NBAS: variants seen among roughly 807,000 people sequenced by gnomAD.
NBAS encodes NAG/BC035112 fusion.
In NBAS, 219 loss-of-function variants were observed where a neutral mutation model predicts 302.5. That is an observed-to-expected ratio of 0.72 (90% CI 0.65 to 0.81). NBAS has a LOEUF of 0.81. Among genes scored for constraint, NBAS ranks in the 30% least tolerant of loss-of-function variants. The probability of loss-of-function intolerance (pLI) is 0.00; values close to 1 mark genes in which losing one functional copy is unlikely to be tolerated. For missense variants in NBAS, 2,932 were observed against 2,841.6 expected (o/e 1.03, Z -0.72); for synonymous variants, 1,118 against 1,021.6 (o/e 1.09, Z -1.80).
chr2:15,550,575 C>T (rs1664330703), intron 6 of NBAS, among the ~76,000 whole-genome samples: 1 of 147,444 alleles, frequency 6.8e-6, no homozygotes, highest in South Asian at 2.1e-4. Flanking sequence ...TGTAAGGTTC[C>T]TTCTTTCTGT....
the NBAS span, among the ~76,000 whole-genome samples, chr2:14,909,585 T>TA: frequency 6.6e-6 from 1 of 152,128 alleles, no homozygotes; most frequent in Non-Finnish European, 1.5e-5. Flanking sequence ...TCTTTGTCTG[T>TA]AAAAAATAGG....
At chr2:14,997,219 G>A in the NBAS span, among the ~76,000 whole-genome samples, 1 of 152,052 alleles carries the variant, frequency 6.6e-6, no homozygotes, top group Non-Finnish European at 1.5e-5. Context: ...TTGGGTACTG[G>A]GCTTAATCCC....
the NBAS span, among the ~76,000 whole-genome samples, chr2:14,961,540 C>G: frequency 6.6e-6 from 1 of 152,126 alleles, no homozygotes; most frequent in African/African-American, 2.4e-5. Context: ...GATGCAGATG[C>G]CAATGCCATG....
the NBAS span, among the ~76,000 whole-genome samples, chr2:15,090,739 A>C: frequency 6.6e-6 from 1 of 152,288 alleles, no homozygotes; most frequent in South Asian, 2.1e-4. Context: ...CAAAATCCCC[A>C]TTCCTTATTT....
At chr2:15,277,196 C>T in intron 42 of NBAS, 95 bp from the exon 43 acceptor site, 1 of 1,456,360 alleles carries the variant, frequency 6.9e-7, no homozygotes, top group Non-Finnish European at 9.3e-7. Context: ...CTTCTTATAG[C>T]TCCCTTCTTC....
the NBAS span, among the ~76,000 whole-genome samples, chr2:14,974,094 T>G: frequency 4.6e-5 from 7 of 152,204 alleles, no homozygotes; most frequent in African/African-American, 1.7e-4. Context: ...ATCTATACAC[T>G]CCCACAACTG....
the NBAS span, among the ~76,000 whole-genome samples, chr2:14,823,381 T>C: frequency 2.8e-4 from 42 of 152,318 alleles, no homozygotes; most frequent in Non-Finnish European, 3.8e-4. Flanking sequence ...GTAACTAAAT[T>C]AATAAGAATA....
intron 47 of NBAS, among the ~76,000 whole-genome samples, chr2:15,222,672 T>A (rs1666996190): frequency 6.6e-6 from 1 of 152,194 alleles, no homozygotes; most frequent in Non-Finnish European, 1.5e-5. Context: ...GATATTAAAA[T>A]TTTAAAAAAG....
the NBAS span, among the ~76,000 whole-genome samples, chr2:15,040,671 G>A: frequency 6.6e-6 from 1 of 152,194 alleles, no homozygotes; most frequent in Non-Finnish European, 1.5e-5. Flanking sequence ...GGGCTTTCTT[G>A]AAACCCACTG....
At chr2:15,309,607 G>C (rs962818340) in intron 38 of NBAS, among the ~76,000 whole-genome samples, 29 of 152,080 alleles carry the variant, frequency 1.9e-4, no homozygotes, top group African/African-American at 6.8e-4. Flanking sequence ...TAATATGGAG[G>C]GTGATAATAT....
the NBAS span, among the ~76,000 whole-genome samples, chr2:15,059,964 C>CAA: frequency 1.8e-5 from 2 of 112,708 alleles, no homozygotes; most frequent in Non-Finnish European, 4.0e-5. Flanking sequence ...AAAAAAAAAA[C>CAA]AAAAAAAAAA....
At chr2:14,912,728 A>T in the NBAS span, among the ~76,000 whole-genome samples, 1 of 148,172 alleles carries the variant, frequency 6.7e-6, no homozygotes, top group Non-Finnish European at 1.5e-5. Context: ...AAAAAAAAAA[A>T]GGAAATCCCT....
chr2:14,938,294 TA>T, the NBAS span, among the ~76,000 whole-genome samples: 1 of 152,126 alleles, frequency 6.6e-6, no homozygotes, highest in East Asian at 1.9e-4. Context: ...AAAAAATGTA[TA>T]CAGATACATA....
intron 48 of NBAS, among the ~76,000 whole-genome samples, chr2:15,216,424 C>T (rs1242924234): frequency 1.3e-5 from 2 of 152,178 alleles, no homozygotes; most frequent in East Asian, 1.9e-4. Flanking sequence ...ATTGGTGAAA[C>T]GCAGATACAC....
chr2:15,202,246 C>A (rs557974378), intron 48 of NBAS, among the ~76,000 whole-genome samples: 1 of 152,154 alleles, frequency 6.6e-6, no homozygotes, highest in Non-Finnish European at 1.5e-5. Flanking sequence ...CCATGCTTTA[C>A]AGCACCCTAC....
chr2:15,558,863 G>A (rs1021764973), intron 1 of NBAS, among the ~76,000 whole-genome samples: 1 of 151,934 alleles, frequency 6.6e-6, no homozygotes, highest in African/African-American at 2.4e-5. Context: ...GAGCCCAGGA[G>A]CTCCAGACCT....
the NBAS span, among the ~76,000 whole-genome samples, chr2:14,806,228 A>G: frequency 6.6e-6 from 1 of 152,134 alleles, no homozygotes; most frequent in African/African-American, 2.4e-5. Context: ...ATACTTTGAG[A>G]ACCACCACCC....
In NBAS at chr2:15,427,717, G is replaced by A; in HGVS notation, c.2417C>T (p.Ala806Val). The A allele has an allele frequency of 1.2e-6, 2 of 1,611,260 alleles. No individual in the cohort carries two copies. The highest frequency in any genetic ancestry group is 1.7e-6 in the Non-Finnish European group (2 of 1,178,420). The change falls in exon 22 of 52, where the codon GCT becomes GTT. Residue 806 changes from alanine to valine, a missense_variant. By Grantham distance (64) the Ala-to-Val change is moderately conservative (BLOSUM62 0). Transcript: ENST00000281513. ...CCTGCAGGCTCATACTGACCTGCAA[G>A]CCAACTCCTCGCACCAATCTTTAGC... ...HRAKDWCEEL[A>V]CRMVVEPNLQ... is the part of the protein sequence containing the mutation.
chr2:15,301,245 G>C (rs1212827714), intron 40 of NBAS, among the ~76,000 whole-genome samples: 1 of 152,186 alleles, frequency 6.6e-6, no homozygotes, highest in Non-Finnish European at 1.5e-5. Flanking sequence ...TTACATGACA[G>C]GATGTTACTT....
Sources: gnomAD v4.1 joint callset for allele counts (sites outside exome capture counted in the v4.1 genomes callset) on GRCh38, gnomAD v4.1.1 for gene constraint, MANE v1.5 for transcripts, NCBI Gene and HGNC (gene_info 2026-07-23, HGNC 2026-07-21) for gene names.